The following CCZ1 variants were observed in gnomAD, a reference collection of about 807,000 sequenced individuals.
The protein encoded by CCZ1 is CCZ1 vacuolar protein trafficking and biogenesis associated.
A neutral mutation model predicts 57.8 loss-of-function variants in CCZ1; 19 were observed. The ratio of observed to expected loss-of-function variants is 0.33; its 90% CI spans 0.23 to 0.48. CCZ1 has a LOEUF of 0.48. CCZ1 is among the 20% of genes least tolerant of loss of function. The pLI is 0.99. For missense variants in CCZ1, 200 were observed against 492.0 expected (o/e 0.41, Z 5.61); for synonymous variants, 81 against 167.0 (o/e 0.49, Z 3.97).
intron 8 of CCZ1, chr7:5,910,322 A>G (rs1207554836): frequency 4.4e-6 from 2 of 449,618 alleles, no homozygotes; most frequent in Non-Finnish European, 7.7e-6. Flanking sequence ...GTGATACAGA[A>G]AGCATCGTTT....
intron 6 of CCZ1, 134 bp from the exon 7 acceptor site, chr7:5,904,960 T>G (rs1240756483): frequency 6.4e-6 from 8 of 1,245,820 alleles, no homozygotes; most frequent in Non-Finnish European, 8.8e-6. Flanking sequence ...CACCACGGCC[T>G]CATTGTTGCG....
chr7:5,907,941 A>G (rs1269980229), intron 7 of CCZ1, among the ~76,000 whole-genome samples: 1 of 2,790 alleles, frequency 3.6e-4, no homozygotes, highest in Non-Finnish European at 8.8e-4. Context: ...CAAAAAATGG[A>G]AAAAAAAAAA....
chr7:5,901,754 C>G (rs1373560332), intron 5 of CCZ1, 50 bp downstream of exon 5: 4 of 1,590,808 alleles, frequency 2.5e-6, no homozygotes, highest in Middle Eastern at 1.7e-4. Context: ...TTACCCCTAT[C>G]TCTAGGCTCC....
chr7:5,903,959 A>G (rs1331514689), intron 6 of CCZ1, among the ~76,000 whole-genome samples: 2 of 136,734 alleles, frequency 1.5e-5, no homozygotes, highest in East Asian at 2.6e-4. Flanking sequence ...ACACCGCTGC[A>G]CTCCAGCCTG....
intron 7 of CCZ1, among the ~76,000 whole-genome samples, chr7:5,907,987 AACTACAGAG>A (rs1781875153): frequency 7.0e-6 from 1 of 143,554 alleles, no homozygotes; most frequent in Non-Finnish European, 1.5e-5. Context: ...TTAGAGTCCC[AACTACAGAG>A]ACTACAGAGG....
chr7:5,908,403 C>T (rs1390833782), intron 7 of CCZ1, among the ~76,000 whole-genome samples: 1 of 145,494 alleles, frequency 6.9e-6, no homozygotes, highest in African/African-American at 2.6e-5. Context: ...GAGACTGAGT[C>T]TCATTGGCTT....
chr7:5,905,902 C>CTTTTTTT (rs148585423), intron 7 of CCZ1, among the ~76,000 whole-genome samples: 29 of 93,010 alleles, frequency 3.1e-4, no homozygotes, highest in African/African-American at 5.4e-4. Flanking sequence ...ATTTTTATAC[C>CTTTTTTT]TTTTTTTTTT....
At chr7:5,912,747 C>T in intron 9 of CCZ1, 96 bp from the exon 10 acceptor site, 1 of 1,216,778 alleles carries the variant, frequency 8.2e-7, no homozygotes, top group South Asian at 1.2e-5. Context: ...GCATCAAAAG[C>T]AACTGGTGTG....
intron 12 of CCZ1, among the ~76,000 whole-genome samples, chr7:5,920,822 C>T (rs868216787): frequency 0.017 from 1,805 of 105,096 alleles, 9 homozygotes; most frequent in African/African-American, 0.07. Context: ...GAAAGTGAGG[C>T]GATGGAAAGC....
rs930010713 is a variant in CCZ1 at position 5,899,743 on chromosome 7, G to A, written c.121-541G>A. On this transcript the variant is annotated intron_variant, in intron 1 of 14. Coordinates refer to ENST00000325974, the MANE Select transcript of CCZ1 (RefSeq NM_015622.6). ...TAATAGCGCCACTGCACTACAGCCTGGGCAGCACAGACCCCATCTCCAGAA... is the reference window on the plus strand; with the variant it reads ...TAATAGCGCCACTGCACTACAGCCTAGGCAGCACAGACCCCATCTCCAGAA... Among the ~76,000 whole-genome samples the A allele has an allele frequency of 2.3e-4, 35 of 151,544 alleles. 1 individual carries two copies. The highest frequency in any genetic ancestry group is 8.5e-4 in the African/African-American group (35 of 41,198).
chr7:5,907,015 A>G (rs62453589), intron 7 of CCZ1, among the ~76,000 whole-genome samples: 14,183 of 145,498 alleles, frequency 0.097, 1,299 homozygotes, highest in Non-Finnish European at 0.13. Context: ...TTACAGGTGC[A>G]TACCACAACA....
At chr7:5,911,104 T>A (rs1215087192) in intron 8 of CCZ1, among the ~76,000 whole-genome samples, 1 of 148,926 alleles carries the variant, frequency 6.7e-6, no homozygotes, top group African/African-American at 2.5e-5. Flanking sequence ...ACAATCGACT[T>A]GTGTAGTCTT....
chr7:5,922,845 C>G (rs1779270668), intron 12 of CCZ1, among the ~76,000 whole-genome samples: 3 of 149,222 alleles, frequency 2.0e-5, no homozygotes, highest in Non-Finnish European at 3.0e-5. Context: ...AGGTGTTACT[C>G]TCCTCAAGCA....
At chr7:5,913,123 T>A (rs1468673761) in intron 10 of CCZ1, among the ~76,000 whole-genome samples, 169 bp downstream of exon 10, 1 of 147,962 alleles carries the variant, frequency 6.8e-6, no homozygotes, top group Non-Finnish European at 1.5e-5. Context: ...ATAAGTTTAT[T>A]TTCAGCTCCT....
At chr7:5,914,628 A>G (rs2128613523) in intron 10 of CCZ1, among the ~76,000 whole-genome samples, 1 of 148,784 alleles carries the variant, frequency 6.7e-6, no homozygotes, top group Admixed American at 6.6e-5. Context: ...ATATCCCAAC[A>G]CTTTGGGAGG....
At chr7:5,914,308 C>T (rs1490491234) in intron 10 of CCZ1, among the ~76,000 whole-genome samples, 3 of 148,188 alleles carry the variant, frequency 2.0e-5, no homozygotes, top group Non-Finnish European at 4.4e-5. Flanking sequence ...TGGCAGTGCT[C>T]ATGTGTAGTC....
At chr7:5,909,837 G>A (rs1261764899) in intron 7 of CCZ1, among the ~76,000 whole-genome samples, 198 bp from the exon 8 acceptor site, 1 of 151,284 alleles carries the variant, frequency 6.6e-6, no homozygotes, top group Non-Finnish European at 1.5e-5. Context: ...TAGGAAAAAG[G>A]AAACTCATTT....
At chr7:5,899,454 G>A (rs2083806069) in intron 1 of CCZ1, among the ~76,000 whole-genome samples, 1 of 142,326 alleles carries the variant, frequency 7.0e-6, no homozygotes, top group Non-Finnish European at 1.6e-5. Flanking sequence ...CAGCAAGTCA[G>A]ACTTCTGTTA....
chr7:5,903,949 A>C (rs145781099), intron 6 of CCZ1, among the ~76,000 whole-genome samples: 1 of 140,316 alleles, frequency 7.1e-6, no homozygotes, highest in East Asian at 2.6e-4. Flanking sequence ...AGCCGAGATC[A>C]CACCGCTGCA....
Sources: allele counts gnomAD v4.1 joint callset (sites outside exome capture counted in the v4.1 genomes callset), GRCh38; gene constraint gnomAD v4.1.1; transcripts MANE v1.5; gene names NCBI Gene and HGNC (gene_info 2026-07-23, HGNC 2026-07-21).